Variants in THADA observed in about 807,000 individuals in gnomAD.
The protein encoded by THADA is THADA armadillo repeat containing, also known as tRNA (32-2'-O)-methyltransferase regulator THADA.
In THADA, 213 loss-of-function variants were observed where a neutral mutation model predicts 219.8. That is an observed-to-expected ratio of 0.97 (90% CI 0.87 to 1.09). THADA has a LOEUF of 1.09. Ranked by LOEUF, THADA falls within the 50% of genes least tolerant of loss-of-function variation. The pLI, the probability that THADA is intolerant of heterozygous loss-of-function variation, is 0.00. For synonymous variants in THADA, 1,018 were observed against 828.9 expected (o/e 1.23, Z -3.92); for missense variants, 2,956 against 2,311.3 (o/e 1.28, Z -5.72).
intron 25 of THADA, among the ~76,000 whole-genome samples, chr2:43,498,489 G>A (rs1158599842): frequency 6.6e-6 from 1 of 152,140 alleles, no homozygotes; most frequent in Non-Finnish European, 1.5e-5. Context: ...CATAGATTGG[G>A]AGGAGAGAAA....
chr2:43,293,821 G>A (rs1309606840), intron 31 of THADA, among the ~76,000 whole-genome samples: 2 of 152,100 alleles, frequency 1.3e-5, no homozygotes, highest in Non-Finnish European at 2.9e-5. Context: ...TCAAATGATG[G>A]GGTCACTGTC....
chr2:43,343,882 T>G (rs1362292637), intron 30 of THADA: 8 of 382,778 alleles, frequency 2.1e-5, no homozygotes, highest in Non-Finnish European at 4.9e-6. Context: ...ACAAGCTGAT[T>G]GGTGGGCAGA....
intron 36 of THADA, among the ~76,000 whole-genome samples, chr2:43,244,388 C>T (rs1668921994): frequency 6.6e-6 from 1 of 152,192 alleles, no homozygotes; most frequent in African/African-American, 2.4e-5. Flanking sequence ...GTGAAAAAGA[C>T]GTGGTTCTCC....
chr2:43,489,067 T>C (rs1013762552), intron 25 of THADA, among the ~76,000 whole-genome samples: 1 of 152,242 alleles, frequency 6.6e-6, no homozygotes, highest in Non-Finnish European at 1.5e-5. Context: ...TCTTATCAGA[T>C]GTATAATACG....
At chr2:43,450,307 T>C (rs939705076) in intron 26 of THADA, among the ~76,000 whole-genome samples, 6 of 152,152 alleles carry the variant, frequency 3.9e-5, no homozygotes, top group African/African-American at 1.4e-4. Context: ...ACTACTAATG[T>C]TTTGGACACA....
chr2:43,511,082 C>T (rs945428647), intron 22 of THADA, among the ~76,000 whole-genome samples: 3 of 151,698 alleles, frequency 2.0e-5, no homozygotes, highest in Non-Finnish European at 2.9e-5. Flanking sequence ...GTAAAGAGTA[C>T]TTGATCTAAT....
At chr2:43,423,401 A>G (rs548650868) in intron 28 of THADA, among the ~76,000 whole-genome samples, 113 of 151,220 alleles carry the variant, frequency 7.5e-4, no homozygotes, top group Non-Finnish European at 1.4e-3. Context: ...GACTTCATAT[A>G]CCTACCAAAT....
At position 43,581,800 on chromosome 2, in the gene THADA, G is replaced by C. The variant is rs1421332309; in HGVS notation, c.662C>G (p.Ser221Cys). The C allele has an allele frequency of 1.2e-6, 2 of 1,612,836 alleles. No individual in the cohort carries two copies. The highest frequency in any genetic ancestry group is 1.7e-5 in the Admixed American group (1 of 59,780). Residue 221 changes from serine to cysteine, a missense_variant, in exon 8 of 38, where the codon TCT becomes TGT. Transcript: ENST00000405975. Reference protein sequence around the residue: ...FQGNLWKTSDSPIWQNMCGLL... With the variant: ...FQGNLWKTSDCPIWQNMCGLL... ...TCCACACATATTTTGCCATATGGGA[G>C]AATCGGAAGTCTTCCAAAGATTTCC...
chr2:43,446,862 C>A (rs1037792062), intron 26 of THADA, among the ~76,000 whole-genome samples: 4 of 152,094 alleles, frequency 2.6e-5, no homozygotes, highest in Admixed American at 1.3e-4. Context: ...AAATCAGTAT[C>A]AAGGGTATCA....
chr2:43,325,719 G>T (rs1204111904), intron 30 of THADA, among the ~76,000 whole-genome samples: 2 of 152,124 alleles, frequency 1.3e-5, no homozygotes, highest in African/African-American at 4.8e-5. Context: ...GAAGTTCAGA[G>T]ATTTCCCAAG....
At chr2:43,268,891 G>C (rs1052765834) in intron 36 of THADA, among the ~76,000 whole-genome samples, 43 of 152,340 alleles carry the variant, frequency 2.8e-4, no homozygotes, top group African/African-American at 9.6e-4. Flanking sequence ...CAGGCCTGAA[G>C]CTGGGGCTGG....
chr2:43,276,835 T>C (rs1386253603), intron 36 of THADA, among the ~76,000 whole-genome samples: 1 of 152,182 alleles, frequency 6.6e-6, no homozygotes, highest in Non-Finnish European at 1.5e-5. Context: ...TGCCACAGTC[T>C]GACTTCTACA....
At chr2:43,508,861 T>A in intron 22 of THADA, 81 bp from the exon 23 acceptor site, 3 of 1,351,240 alleles carry the variant, frequency 2.2e-6, no homozygotes, top group Non-Finnish European at 2.1e-6. Flanking sequence ...TTTACACTGT[T>A]AGTAAATAAT....
At chr2:43,400,692 T>G (rs1674728558) in intron 28 of THADA, among the ~76,000 whole-genome samples, 1 of 151,900 alleles carries the variant, frequency 6.6e-6, no homozygotes, top group Non-Finnish European at 1.5e-5. Context: ...ATGGTGGCAA[T>G]GCTTTCCACC....
chr2:43,485,454 G>C, intron 25 of THADA, 129 bp from the exon 26 acceptor site: 1 of 649,644 alleles, frequency 1.5e-6, no homozygotes, highest in Non-Finnish European at 2.6e-6. Flanking sequence ...AGACAGATTT[G>C]TGTTCATAAA....
intron 15 of THADA, chr2:43,564,109 T>C (rs919416157): frequency 6.6e-6 from 1 of 152,224 alleles, no homozygotes; most frequent in African/African-American, 2.4e-5. Context: ...CTGCTTTAAA[T>C]GTGCAGAAAA....
intron 24 of THADA, 23 bp downstream of exon 24, chr2:43,505,599 G>A (rs748764924): frequency 2.0e-6 from 3 of 1,487,942 alleles, no homozygotes; most frequent in Non-Finnish European, 2.8e-6. Context: ...AACACTGGAG[G>A]GTTTGTGTAT....
intron 26 of THADA, among the ~76,000 whole-genome samples, chr2:43,480,756 T>G (rs1686106349): frequency 6.6e-6 from 1 of 150,394 alleles, no homozygotes; most frequent in Non-Finnish European, 1.5e-5. Context: ...AGGCAGAGGT[T>G]GCAGTGAGTT....
intron 25 of THADA, among the ~76,000 whole-genome samples, chr2:43,493,367 C>T (rs540039078): frequency 7.2e-5 from 11 of 152,186 alleles, no homozygotes; most frequent in East Asian, 1.9e-4. Context: ...TGGTAGCATG[C>T]GCCTGTAGTC....
Sources: gnomAD v4.1 joint callset for allele counts (sites outside exome capture counted in the v4.1 genomes callset) on GRCh38, gnomAD v4.1.1 for gene constraint, MANE v1.5 for transcripts, NCBI Gene and HGNC (gene_info 2026-07-23, HGNC 2026-07-21) for gene names.